Variants in CARHSP1 observed in about 807,000 individuals in gnomAD.
The protein encoded by CARHSP1 is calcium-regulated heat-stable protein 1.
A neutral mutation model predicts 12.5 loss-of-function variants in CARHSP1; 14 were observed. The observed-to-expected ratio is 1.12, with a 90% CI of 0.74 to 1.75. The LOEUF (loss-of-function observed/expected upper bound fraction) is 1.75. Among genes scored for constraint, CARHSP1 ranks in the 40% most tolerant of loss-of-function variants. CARHSP1 has a pLI of 0.00. For missense variants in CARHSP1, 343 were observed against 201.6 expected (o/e 1.70, Z -4.25); for synonymous variants, 161 against 82.0 (o/e 1.96, Z -5.20).
rs2061033750 is a variant in CARHSP1 at position 8,854,470 on chromosome 16, C to T, written c.*694G>A. ...AGGTCAGGCTCTAAGAGGGGTTCAG[C>T]CTCCCAGTACCAGCCTGCTGTGCCC... On this transcript the variant is annotated 3_prime_UTR_variant, in exon 4 of 4. Coordinates refer to ENST00000311052, the MANE Select transcript of CARHSP1 (RefSeq NM_014316.4). 6.5e-6 allele frequency: 1 copy of T among 152,690 alleles called. No homozygotes were observed. The highest frequency in any genetic ancestry group is 1.5e-5 in the Non-Finnish European group (1 of 68,074). 9.5% of individuals were successfully genotyped at this position (152,690 alleles called of 1,614,324 possible). A position where few individuals can be genotyped will look rare whatever the true frequency, so the allele number is the denominator to read the frequency against.
intron 3 of CARHSP1, among the ~76,000 whole-genome samples, chr16:8,856,855 G>A (rs566345736): frequency 6.6e-6 from 1 of 152,222 alleles, no homozygotes; most frequent in East Asian, 1.9e-4. Context: ...AGCATGGGGG[G>A]CTGGGTGCCT....
Position 8,858,428 on chromosome 16 carries a change from T to C in CARHSP1, c.203A>G (p.Lys68Arg). Residue 68 changes from lysine to arginine, a missense_variant, in exon 3 of 4, where the codon AAA becomes AGA. Physicochemically the swap from Lys to Arg is conservative, Grantham distance 26. Coordinates refer to ENST00000311052, the MANE Select transcript of CARHSP1 (RefSeq NM_014316.4). ...ATGGCCCTTGGACCGGCAGAAGCAT[T>C]TGCAGACTCCTTTGTAGACGGGGCC... ...SQGPVYKGVC[K>R]CFCRSKGHGF... The C allele has an allele frequency of 6.2e-7, 1 of 1,613,974 alleles. No homozygotes were observed. The highest frequency in any genetic ancestry group is 8.5e-7 in the Non-Finnish European group (1 of 1,179,994).
chr16:8,866,201 A>T (rs2061452054), intron 1 of CARHSP1, among the ~76,000 whole-genome samples: 1 of 151,938 alleles, frequency 6.6e-6, no homozygotes, highest in African/African-American at 2.4e-5. Flanking sequence ...AGATTCTCCC[A>T]CCCCGGCCTC....
chr16:8,859,733 T>G (rs550776407), intron 1 of CARHSP1: 2 of 158,676 alleles, frequency 1.3e-5, no homozygotes, highest in Non-Finnish European at 2.8e-5. Context: ...ATCCCAGCAC[T>G]CTGGGAGGCC....
chr16:8,865,910 G>C (rs1385788400), intron 1 of CARHSP1, among the ~76,000 whole-genome samples: 1 of 152,198 alleles, frequency 6.6e-6, no homozygotes, highest in Non-Finnish European at 1.5e-5. Context: ...TTCAAATGCA[G>C]ATTGCCATTC....
At position 8,864,677 on chromosome 16, in the gene CARHSP1, C is replaced by T. The variant is rs556863271; in HGVS notation, c.-8+4289G>A. Among the ~76,000 whole-genome samples the T allele has an allele frequency of 6.4e-4, 97 of 152,316 alleles. 1 individual carries two copies. The highest frequency in any genetic ancestry group is 1.2e-3 in the Non-Finnish European group (83 of 68,024). On this transcript the variant is annotated intron_variant, in intron 1 of 3. Coordinates refer to ENST00000311052, the MANE Select transcript of CARHSP1 (RefSeq NM_014316.4). ...GCCCAGCTGGCCATGCACCCCCTTC[C>T]CCAGTCAGCCCCCAGGCTCTGATGA...
At chr16:8,866,156 G>A (rs2061451227) in intron 1 of CARHSP1, among the ~76,000 whole-genome samples, 1 of 152,098 alleles carries the variant, frequency 6.6e-6, no homozygotes, top group African/African-American at 2.4e-5. Context: ...GTCTCACTGT[G>A]TTGTCCAGGC....
Position 8,858,476 on chromosome 16 carries a change from A to T in CARHSP1, c.159-4T>A, listed in dbSNP as rs1267405766. On this transcript the variant is annotated splice_region_variant and splice_polypyrimidine_tract_variant and intron_variant, in intron 2 of 3. Coordinates refer to ENST00000311052, the MANE Select transcript of CARHSP1 (RefSeq NM_014316.4). ...GCCCTGTGAAGCCCGCACCGTCCTG[A>T]CAGAGAGGGGGAAATGTCAGGGGCC... 1 of 1,613,246 alleles carries T rather than the reference A, an allele frequency of 6.2e-7. No homozygotes were observed. Among genetic ancestry groups the T allele is most frequent in the South Asian group, 1.1e-5 (1 of 91,054 alleles).
chr16:8,860,108 C>G, intron 1 of CARHSP1: 2 of 984,652 alleles, frequency 2.0e-6, no homozygotes, highest in Non-Finnish European at 2.4e-6. Flanking sequence ...AACTGACCCT[C>G]ACGCAGTGTC....
chr16:8,861,989 C>CTTTTTTTTTTTTTTTTTTTTTT (rs537614451), intron 1 of CARHSP1, among the ~76,000 whole-genome samples: 8 of 79,804 alleles, frequency 1.0e-4, no homozygotes, highest in Admixed American at 1.4e-4. Context: ...GCATAGCTGA[C>CTTTTTTTTTTTTTTTTTTTTTT]TTTTTTTTTT....
At position 8,855,104 on chromosome 16, in the gene CARHSP1, G is replaced by A. The variant is rs542156901; in HGVS notation, c.*60C>T. ...TGGAAGAATGTCATCTCCAGTGTCT[G>A]CTGCCTCCTCCCTGCAAAGTCTCCC... is the stretch of plus-strand genomic sequence containing the variant. On this transcript the variant is annotated 3_prime_UTR_variant, in exon 4 of 4. Transcript: ENST00000311052. 9.9e-5 allele frequency: 139 copies of A among 1,404,190 alleles called. No homozygotes were observed. In the African/African-American group the frequency reaches 1.9e-3, roughly 19 times the overall value. 87.0% of individuals were successfully genotyped at this position (1,404,190 alleles called of 1,614,324 possible). A position where few individuals can be genotyped will look rare whatever the true frequency, so the allele number is the denominator to read the frequency against.
intron 1 of CARHSP1, among the ~76,000 whole-genome samples, chr16:8,864,458 T>G (rs112007560): frequency 1.3e-5 from 2 of 152,272 alleles, no homozygotes; most frequent in African/African-American, 4.8e-5. Flanking sequence ...CTTACTACTT[T>G]ACAACACTTC....
intron 1 of CARHSP1, among the ~76,000 whole-genome samples, chr16:8,865,174 T>C (rs2061433298): frequency 6.6e-6 from 1 of 152,150 alleles, no homozygotes; most frequent in South Asian, 2.1e-4. Context: ...AGTGGCACAA[T>C]CTCAGCTCAC....
intron 3 of CARHSP1, chr16:8,857,463 T>C (rs2061173718): frequency 1.1e-5 from 1 of 89,558 alleles, no homozygotes; most frequent in Admixed American, 1.3e-4. Flanking sequence ...TTTTTTTTTT[T>C]CTATTTTTTT....
chr16:8,864,315 G>C (rs560757576), intron 1 of CARHSP1, among the ~76,000 whole-genome samples: 1 of 143,032 alleles, frequency 7.0e-6, no homozygotes, highest in Admixed American at 7.0e-5. Flanking sequence ...TCACCTCACC[G>C]CACAGCACGC....
chr16:8,858,308 C>T (rs144312226), intron 3 of CARHSP1, 42 bp downstream of exon 3: 16,017 of 1,600,946 alleles, frequency 0.01, 110 homozygotes, highest in Middle Eastern at 0.026. Context: ...GCCAAGGAAG[C>T]GCCCACCCCA....
intron 2 of CARHSP1, chr16:8,858,912 T>C (rs1245183740): frequency 8.9e-6 from 4 of 448,844 alleles, no homozygotes; most frequent in African/African-American, 3.9e-5. Context: ...CATGTGTGGT[T>C]AAAGCCCAGC....
intron 1 of CARHSP1, chr16:8,861,896 G>C (rs897364449): frequency 3.4e-5 from 32 of 944,948 alleles, no homozygotes; most frequent in Middle Eastern, 4.7e-4. Flanking sequence ...GATGGGAGCA[G>C]TGGCCTCGCA....
chr16:8,854,937 C>T lies in CARHSP1; in HGVS notation c.*227G>A, dbSNP rs2061048088. The T allele has an allele frequency of 3.3e-5, 13 of 391,208 alleles. No individual in the cohort carries two copies. The highest frequency in any genetic ancestry group is 3.1e-4 in the Admixed American group (7 of 22,570). 24.2% of individuals were successfully genotyped at this position (391,208 alleles called of 1,614,324 possible). ...CTCCTTTTTAAATGCTTTTAATGCT[C>T]TTCAGATGGTGAGAGGTTGTTGCAA... On this transcript the variant is annotated 3_prime_UTR_variant, in exon 4 of 4. Transcript: ENST00000311052.
Sources: allele counts gnomAD v4.1 joint callset (sites outside exome capture counted in the v4.1 genomes callset), GRCh38; gene constraint gnomAD v4.1.1; transcripts MANE v1.5; gene names NCBI Gene and HGNC (gene_info 2026-07-23, HGNC 2026-07-21).